Variants in NR2C1 observed in about 807,000 individuals in gnomAD.
The protein encoded by NR2C1 is nuclear receptor subfamily 2 group C member 1, also known as TR2 nuclear hormone receptor.
A neutral mutation model predicts 74.8 loss-of-function variants in NR2C1; 33 were observed. The ratio of observed to expected loss-of-function variants is 0.44; its 90% CI spans 0.33 to 0.59. NR2C1 has a LOEUF of 0.59. NR2C1 is among the 20% of genes least tolerant of loss of function. The pLI is 0.02. For synonymous variants in NR2C1, 225 were observed against 240.6 expected (o/e 0.94, Z 0.60); for missense variants, 568 against 715.6 (o/e 0.79, Z 2.35).
intron 2 of NR2C1, among the ~76,000 whole-genome samples, chr12:95,063,287 C>G (rs927005486): frequency 3.3e-5 from 5 of 152,044 alleles, no homozygotes; most frequent in Admixed American, 3.3e-4. Context: ...AAGAACATTC[C>G]AGGTAGAGGA....
intron 3 of NR2C1, among the ~76,000 whole-genome samples, chr12:95,061,077 A>G (rs1874706964): frequency 6.6e-6 from 1 of 152,188 alleles, no homozygotes; most frequent in African/African-American, 2.4e-5. Flanking sequence ...CATGAGAAAA[A>G]CATCAGACCA....
chr12:95,055,735 T>C (rs1173742980), intron 7 of NR2C1, among the ~76,000 whole-genome samples: 2 of 150,738 alleles, frequency 1.3e-5, no homozygotes, highest in Non-Finnish European at 3.0e-5. Context: ...AGGCGGATCA[T>C]GAGGTCAGGC....
chr12:95,043,617 C>G (rs74783438), intron 9 of NR2C1, among the ~76,000 whole-genome samples: 29,777 of 145,286 alleles, frequency 0.2, 3,021 homozygotes, highest in Non-Finnish European at 0.23. Context: ...TGGAACCCAG[C>G]GGGTAGAGGC....
rs535661139 is a variant in NR2C1 at position 95,059,349 on chromosome 12, A to G, written c.364+557T>C. 3.9e-5 allele frequency among the ~76,000 whole-genome samples: 6 copies of G among 152,268 alleles called. No individual in the cohort carries two copies. In the South Asian group the frequency reaches 1.2e-3, roughly 32 times the overall value. On this transcript the variant is annotated intron_variant, in intron 4 of 13. Transcript: ENST00000333003. ...TTACATGTTCACTTTCAAAAGTGAA[A>G]TATGCATTTTATTTCATTACAAATC...
intron 12 of NR2C1, among the ~76,000 whole-genome samples, chr12:95,026,392 G>A (rs1285305105): frequency 6.6e-6 from 1 of 151,874 alleles, no homozygotes; most frequent in East Asian, 1.9e-4. Context: ...CATTTCAATG[G>A]TCACTATAAC....
At chr12:95,066,539 G>A (rs1406816523) in intron 2 of NR2C1, among the ~76,000 whole-genome samples, 1 of 152,124 alleles carries the variant, frequency 6.6e-6, no homozygotes, top group Non-Finnish European at 1.5e-5. Flanking sequence ...AAAGTTGTTC[G>A]ACACTACATC....
intron 12 of NR2C1, among the ~76,000 whole-genome samples, chr12:95,027,719 G>A (rs1029420808): frequency 1.3e-5 from 2 of 151,922 alleles, no homozygotes; most frequent in African/African-American, 4.8e-5. Flanking sequence ...CTGGGCGACA[G>A]AGTGAGACTC....
intron 12 of NR2C1, among the ~76,000 whole-genome samples, chr12:95,026,665 G>A (rs1869404048): frequency 6.6e-6 from 1 of 152,208 alleles, no homozygotes; most frequent in Non-Finnish European, 1.5e-5. Context: ...AGAAACATTA[G>A]AAGAAATAGT....
rs111266379 is a variant in NR2C1 at position 95,067,355 on chromosome 12, T to C, written c.30A>G (p.Gln10=). ...CCTCTCCCATCTGTTGTTCAATAATTTGATGTGCAATTTCTTCTATGGTTG... is the reference window on the plus strand; with the variant it reads ...CCTCTCCCATCTGTTGTTCAATAATCTGATGTGCAATTTCTTCTATGGTTG... MATIEEIAH[Q]IIEQQMGEIV... The change falls in exon 2 of 14, where the codon CAA becomes CAG. Residue 10 remains glutamine (Q), a synonymous_variant. Coordinates refer to ENST00000333003, the MANE Select transcript of NR2C1 (RefSeq NM_003297.4). The C allele has an allele frequency of 1.9e-5, 30 of 1,613,958 alleles. 1 individual carries two copies. In the South Asian group the frequency reaches 2.5e-4, roughly 14 times the overall value.
In NR2C1 at chr12:95,025,178, T is replaced by A. The variant is rs142884075; in HGVS notation, c.1609A>T (p.Thr537Ser). 1 of 1,590,016 alleles carries A rather than the reference T, an allele frequency of 6.3e-7. No homozygotes were observed. The highest frequency in any genetic ancestry group is 8.6e-7 in the Non-Finnish European group (1 of 1,159,928). Reference protein sequence around the residue: ...KAYVEFQDYITKTYPDDTYRL... With the variant: ...KAYVEFQDYISKTYPDDTYRL... The stretch of plus-strand genomic sequence containing the variant: ...TAGGTGTCATCTGGATATGTTTTGG[T>A]TATATAATCTTGGAATTCCACATAA... The change falls in exon 13 of 14, where the codon ACC becomes TCC. Residue 537 changes from threonine (T) to serine (S), a missense_variant. This residue lies in a region of NR2C1 where 117 missense variants were observed against 186.7 expected (regional missense o/e 0.63). Transcript: ENST00000333003.
intron 3 of NR2C1, among the ~76,000 whole-genome samples, 183 bp from the exon 4 acceptor site, chr12:95,060,167 G>A (rs938525917): frequency 4.6e-5 from 7 of 151,856 alleles, no homozygotes; most frequent in Non-Finnish European, 8.8e-5. Context: ...ATGTAATGAC[G>A]ACAAAAATAA....
intron 12 of NR2C1, among the ~76,000 whole-genome samples, chr12:95,027,308 G>A (rs1419239055): frequency 6.6e-6 from 1 of 152,114 alleles, no homozygotes; most frequent in Non-Finnish European, 1.5e-5. Flanking sequence ...TCCCATCTCA[G>A]CCTCCCAAAA....
At chr12:95,057,338 C>G (rs977698003) in intron 7 of NR2C1, among the ~76,000 whole-genome samples, 1 of 151,562 alleles carries the variant, frequency 6.6e-6, no homozygotes, top group African/African-American at 2.4e-5. Flanking sequence ...CTTCTGACCT[C>G]AAGCGATCCA....
At chr12:95,068,796 T>TAA (rs540601210) in intron 1 of NR2C1, among the ~76,000 whole-genome samples, 39 of 128,906 alleles carry the variant, frequency 3.0e-4, no homozygotes, top group Non-Finnish European at 4.4e-4. Flanking sequence ...TTCTGTCTCA[T>TAA]AAAAAAAAAA....
intron 3 of NR2C1, 128 bp downstream of exon 3, chr12:95,062,380 T>C: frequency 1.6e-6 from 1 of 640,590 alleles, no homozygotes; most frequent in South Asian, 2.0e-5. Flanking sequence ...AGATACTGTG[T>C]TACACATAAT....
At chr12:95,039,540 T>C (rs961884138) in intron 10 of NR2C1, among the ~76,000 whole-genome samples, 1 of 152,232 alleles carries the variant, frequency 6.6e-6, no homozygotes, top group Admixed American at 6.5e-5. Flanking sequence ...TTTAAAACAA[T>C]TTAAATACAT....
intron 10 of NR2C1, among the ~76,000 whole-genome samples, chr12:95,034,676 C>T (rs1255820452): frequency 2.0e-5 from 3 of 152,004 alleles, no homozygotes; most frequent in African/African-American, 7.3e-5. Context: ...ATTGTAATAC[C>T]ATATTTTTAT....
chr12:95,059,429 G>A (rs1000174280), intron 4 of NR2C1, among the ~76,000 whole-genome samples: 7 of 151,866 alleles, frequency 4.6e-5, no homozygotes, highest in Non-Finnish European at 8.8e-5. Context: ...CTTTGGGACC[G>A]GGCATGGGGG....
chr12:95,073,295 G>C (rs1303759701), intron 1 of NR2C1, 85 bp downstream of exon 1: 1 of 152,282 alleles, frequency 6.6e-6, no homozygotes, highest in Admixed American at 6.5e-5. Flanking sequence ...CGCTGGGACC[G>C]CGTCCGTTGG....
Sources: gnomAD v4.1 joint callset for allele counts (sites outside exome capture counted in the v4.1 genomes callset) on GRCh38, gnomAD v4.1.1 for gene constraint, gnomAD v4.1.1 regional missense constraint, MANE v1.5 for transcripts, NCBI Gene and HGNC (gene_info 2026-07-23, HGNC 2026-07-21) for gene names.